The following PCDH15 variants were observed in gnomAD, a reference collection of about 807,000 sequenced individuals.
PCDH15 encodes the protein protocadherin related 15.
PCDH15 carries 129 observed loss-of-function variants against 178.5 expected under a neutral mutation model. The ratio of observed to expected loss-of-function variants is 0.72; its 90% confidence interval spans 0.63 to 0.84. The LOEUF (loss-of-function observed/expected upper bound fraction) is 0.84. Among genes scored for constraint, PCDH15 ranks in the 40% least tolerant of loss-of-function variants. The pLI is 0.00. For synonymous variants in PCDH15, 800 were observed against 732.0 expected (o/e 1.09, Z -1.50); for missense variants, 2,230 against 2,099.9 (o/e 1.06, Z -1.21).
At chr10:54,419,912 G>C (rs561635454) in intron 3 of PCDH15, among the ~76,000 whole-genome samples, 1 of 152,038 alleles carries the variant, frequency 6.6e-6, no homozygotes, top group Admixed American at 6.6e-5. Flanking sequence ...GGGCTATTAG[G>C]ATGTAGAGAG....
In PCDH15 at chr10:55,395,002, T is replaced by C. The variant is rs779517570; in HGVS notation, c.-155-228351A>G. 5.3e-5 allele frequency among the ~76,000 whole-genome samples: 8 copies of C among 152,158 alleles called. No homozygotes were observed. In the South Asian group the frequency reaches 8.3e-4, roughly 16 times the overall value. On this transcript the variant is annotated intron_variant, in intron 2 of 5. Transcript: ENST00000613346. ...TTGGGCAACGTGAATTGTAATAATATTTAACTATGAAAATAAATGTTAAAG... is the reference window on the plus strand; with the variant it reads ...TTGGGCAACGTGAATTGTAATAATACTTAACTATGAAAATAAATGTTAAAG...
chr10:55,069,905 G>C (rs572563322), intron 2 of PCDH15, among the ~76,000 whole-genome samples: 1 of 152,246 alleles, frequency 6.6e-6, no homozygotes, highest in South Asian at 2.1e-4. Flanking sequence ...CAGTGTAAAA[G>C]TGTTCCCATT....
At chr10:54,425,067 C>G (rs1956105021) in intron 3 of PCDH15, among the ~76,000 whole-genome samples, 1 of 151,034 alleles carries the variant, frequency 6.6e-6, no homozygotes, top group Non-Finnish European at 1.5e-5. Context: ...TGAAAATGTG[C>G]TTCAGCATTT....
At chr10:55,316,767 CATA>C (rs1843731906) in intron 1 of PCDH15, among the ~76,000 whole-genome samples, 1 of 151,966 alleles carries the variant, frequency 6.6e-6, no homozygotes, top group South Asian at 2.1e-4. Flanking sequence ...ATATGTTATT[CATA>C]ATGTTATTTT....
In PCDH15 at chr10:54,639,296, C is replaced by T. The variant is rs77888708; in HGVS notation, c.91+24876G>A. The stretch of plus-strand genomic sequence containing the variant: ...TAATATTTTAAGAGATTCAGACAAA[C>T]ATGACCTCAGAAGAATCTATGAGGA... On this transcript the variant is annotated intron_variant, in intron 2 of 37. Coordinates refer to ENST00000644397, the MANE Select transcript of PCDH15 (RefSeq NM_001384140.1). Among the ~76,000 whole-genome samples, 875 of 152,116 alleles carry T rather than the reference C, an allele frequency of 5.8e-3. 8 individuals are homozygous for T. The highest frequency in any genetic ancestry group is 0.02 in the African/African-American group (841 of 41,488).
intron 1 of PCDH15, among the ~76,000 whole-genome samples, chr10:55,283,944 A>C (rs1842799942): frequency 3.3e-5 from 5 of 151,076 alleles, no homozygotes; most frequent in Admixed American, 2.0e-4. Context: ...TCTGTAAACT[A>C]TGCAAATCAA....
chr10:54,061,031 G>A (rs1274442622), intron 18 of PCDH15, among the ~76,000 whole-genome samples: 1 of 151,988 alleles, frequency 6.6e-6, no homozygotes, highest in Non-Finnish European at 1.5e-5. Context: ...ATCATGCTCT[G>A]CTGTTGTATA....
chr10:54,383,204 T>G (rs1400730837), intron 3 of PCDH15, among the ~76,000 whole-genome samples: 1 of 150,298 alleles, frequency 6.7e-6, no homozygotes, highest in Non-Finnish European at 1.5e-5. Flanking sequence ...ACAACTGAAA[T>G]AAGAGAAGCA....
At chr10:54,433,333 C>A (rs899762244) in intron 3 of PCDH15, among the ~76,000 whole-genome samples, 9 of 152,016 alleles carry the variant, frequency 5.9e-5, no homozygotes, top group African/African-American at 1.9e-4. Flanking sequence ...CAATAGGTAA[C>A]TACATTTAAA....
chr10:54,153,404 G>A, intron 13 of PCDH15, 111 bp from the exon 14 acceptor site: 3 of 1,216,750 alleles, frequency 2.5e-6, no homozygotes, highest in Admixed American at 1.9e-5. Flanking sequence ...ACACAGGAAA[G>A]TTTCCTTGAC....
intron 2 of PCDH15, among the ~76,000 whole-genome samples, chr10:55,385,639 C>A (rs1837635259): frequency 6.8e-6 from 1 of 147,990 alleles, no homozygotes; most frequent in African/African-American, 2.5e-5. Flanking sequence ...AGGCTGCTTG[C>A]AACAGATTCC....
At chr10:55,586,000 T>G (rs1428238259) in intron 2 of PCDH15, among the ~76,000 whole-genome samples, 1 of 152,112 alleles carries the variant, frequency 6.6e-6, no homozygotes. Flanking sequence ...CTCTCACTTA[T>G]GTGTATGAAT....
chr10:53,939,008 A>G, intron 24 of PCDH15, 53 bp from the exon 25 acceptor site: 2 of 1,575,756 alleles, frequency 1.3e-6, no homozygotes, highest in South Asian at 2.2e-5. Flanking sequence ...ATAAGGAAAG[A>G]AATTCTCTTT....
At chr10:53,987,030 T>C (rs2091151353) in intron 21 of PCDH15, among the ~76,000 whole-genome samples, 1 of 152,138 alleles carries the variant, frequency 6.6e-6, no homozygotes, top group African/African-American at 2.4e-5. Context: ...ATTGAGCTGA[T>C]AAACTATATA....
chr10:54,497,375 G>A (rs746307905), intron 3 of PCDH15, among the ~76,000 whole-genome samples: 20 of 152,076 alleles, frequency 1.3e-4, no homozygotes, highest in Non-Finnish European at 2.6e-4. Context: ...GAATTCTGGT[G>A]ACTATAAAAC....
At chr10:54,321,474 C>T in intron 7 of PCDH15, among the ~76,000 whole-genome samples, 1 of 151,488 alleles carries the variant, frequency 6.6e-6, no homozygotes, top group South Asian at 2.1e-4. Flanking sequence ...TATAAACACA[C>T]ATATATATGC....
intron 2 of PCDH15, among the ~76,000 whole-genome samples, chr10:54,963,169 C>T (rs1838698728): frequency 6.6e-6 from 1 of 152,072 alleles, no homozygotes. Context: ...ATGGTGAGTC[C>T]CATGGCCCAG....
chr10:54,464,672 A>T (rs957462673), intron 3 of PCDH15, among the ~76,000 whole-genome samples: 1 of 152,202 alleles, frequency 6.6e-6, no homozygotes, highest in African/African-American at 2.4e-5. Context: ...CATGTAATTC[A>T]TTAATCTTTA....
At chr10:55,464,019 AAGAAAG>A (rs1271213018) in intron 2 of PCDH15, among the ~76,000 whole-genome samples, 1 of 127,786 alleles carries the variant, frequency 7.8e-6, no homozygotes, top group Non-Finnish European at 1.7e-5. Flanking sequence ...GAAAGAAAGA[AAGAAAG>A]AAAGAAAGAA....
Sources: gnomAD v4.1 joint callset for allele counts (sites outside exome capture counted in the v4.1 genomes callset) on GRCh38, gnomAD v4.1.1 for gene constraint, MANE v1.5 for transcripts, NCBI Gene and HGNC (gene_info 2026-07-23, HGNC 2026-07-21) for gene names.